The following CLXN variants were observed in gnomAD, a reference collection of about 807,000 sequenced individuals.
CLXN encodes calaxin.
At chr8:48,717,302 T>C in the CLXN span, among the ~76,000 whole-genome samples, 1 of 152,180 alleles carries the variant, frequency 6.6e-6, no homozygotes, top group Non-Finnish European at 1.5e-5. Flanking sequence ...TGACATCATA[T>C]GTAAGGCAAT....
At chr8:48,722,072 A>G in the CLXN span, among the ~76,000 whole-genome samples, 1 of 152,232 alleles carries the variant, frequency 6.6e-6, no homozygotes, top group South Asian at 2.1e-4. Context: ...AGGAATACCT[A>G]CAACTCAATA....
the CLXN span, chr8:48,730,562 T>A: frequency 6.2e-7 from 1 of 1,610,318 alleles, no homozygotes; most frequent in Non-Finnish European, 8.5e-7. Flanking sequence ...CTTCCAAAGA[T>A]CCTCGAAGAA....
At chr8:48,733,299 C>T in the CLXN span, among the ~76,000 whole-genome samples, 2 of 151,942 alleles carry the variant, frequency 1.3e-5, no homozygotes, top group Non-Finnish European at 2.9e-5. Context: ...AATTTATTAC[C>T]CAAAGGATCA....
chr8:48,729,110 A>C, the CLXN span: 9 of 1,613,650 alleles, frequency 5.6e-6, no homozygotes, highest in Non-Finnish European at 7.6e-6. Context: ...GCCAGTTCAT[A>C]GTCTGCAAAA....
At chr8:48,729,229 A>T in the CLXN span, 3 of 1,166,176 alleles carry the variant, frequency 2.6e-6, no homozygotes, top group Admixed American at 2.1e-5. Flanking sequence ...GTGTTAATTT[A>T]AAAAAATGTG....
At chr8:48,713,328 T>C in the CLXN span, among the ~76,000 whole-genome samples, 1 of 152,192 alleles carries the variant, frequency 6.6e-6, no homozygotes, top group Non-Finnish European at 1.5e-5. Context: ...TCTAATGCAA[T>C]TCCCAATCCT....
At chr8:48,729,396 G>A in the CLXN span, among the ~76,000 whole-genome samples, 3 of 151,808 alleles carry the variant, frequency 2.0e-5, no homozygotes, top group Admixed American at 6.6e-5. Flanking sequence ...GGTGGTATGC[G>A]CCTGTAGTCC....
chr8:48,731,539 C>A, the CLXN span: 1 of 1,529,698 alleles, frequency 6.5e-7, no homozygotes, highest in Non-Finnish European at 8.8e-7. Context: ...AAAATGAACC[C>A]TTAATCTTTA....
chr8:48,715,717 C>G, the CLXN span: 1 of 152,240 alleles, frequency 6.6e-6, no homozygotes, highest in South Asian at 2.1e-4. Context: ...AGCTGTCACA[C>G]CCCAGCTGGT....
At chr8:48,730,477 A>T in the CLXN span, 1 of 1,144,546 alleles carries the variant, frequency 8.7e-7, no homozygotes. Flanking sequence ...AAAGACACTG[A>T]TTTAAGTGCT....
chr8:48,733,089 T>C, the CLXN span, among the ~76,000 whole-genome samples: 1 of 152,070 alleles, frequency 6.6e-6, no homozygotes, highest in Non-Finnish European at 1.5e-5. Flanking sequence ...ATGGTTAAAA[T>C]AGTAAATTTC....
the CLXN span, chr8:48,724,873 C>A: frequency 7.7e-7 from 1 of 1,298,370 alleles, no homozygotes; most frequent in Non-Finnish European, 1.1e-6. Flanking sequence ...TTCTGTATGT[C>A]TCCTTAGTGT....
At chr8:48,725,803 TC>T in the CLXN span, among the ~76,000 whole-genome samples, 28 of 141,582 alleles carry the variant, frequency 2.0e-4, no homozygotes, top group East Asian at 4.7e-3. Context: ...AAACTCCGTC[TC>T]AAAAATAAAT....
chr8:48,724,043 CT>C, the CLXN span: 1 of 152,138 alleles, frequency 6.6e-6, no homozygotes. Context: ...TCTTGTGGTA[CT>C]TTTTGATTTT....
the CLXN span, chr8:48,735,032 CG>C: frequency 6.3e-7 from 1 of 1,581,422 alleles, no homozygotes; most frequent in East Asian, 2.3e-5. Flanking sequence ...GACCTTAGCA[CG>C]GGGTGGGACC....
chr8:48,728,255 T>G, the CLXN span, among the ~76,000 whole-genome samples: 1 of 152,188 alleles, frequency 6.6e-6, no homozygotes. Flanking sequence ...CAGATGCATT[T>G]GCATCTCTTG....
At chr8:48,726,757 C>T in the CLXN span, among the ~76,000 whole-genome samples, 1 of 150,548 alleles carries the variant, frequency 6.6e-6, no homozygotes, top group Non-Finnish European at 1.5e-5. Context: ...ATCCATCCAT[C>T]CATCTACCCA....
At chr8:48,729,342 T>C in the CLXN span, among the ~76,000 whole-genome samples, 1 of 151,698 alleles carries the variant, frequency 6.6e-6, no homozygotes, top group East Asian at 1.9e-4. Context: ...CTGGGCAACA[T>C]AGTGAGACCT....
At chr8:48,720,733 G>A in the CLXN span, among the ~76,000 whole-genome samples, 1 of 152,104 alleles carries the variant, frequency 6.6e-6, no homozygotes, top group African/African-American at 2.4e-5. Context: ...TGAAGCATGT[G>A]ATTTTGTACC....
Sources: allele counts gnomAD v4.1 joint callset (sites outside exome capture counted in the v4.1 genomes callset), GRCh38; gene constraint gnomAD v4.1.1; transcripts MANE v1.5; gene names NCBI Gene and HGNC (gene_info 2026-07-23, HGNC 2026-07-21).